Variants in ANKRD49 observed in about 807,000 individuals in gnomAD.
ANKRD49 encodes ankyrin repeat domain-containing protein 49.
ANKRD49 carries 18 observed loss-of-function variants against 19.6 expected under a neutral mutation model. The ratio of observed to expected loss-of-function variants is 0.92; its 90% confidence interval spans 0.63 to 1.36. The LOEUF is 1.36. Among genes scored for constraint, ANKRD49 ranks in the 40% most tolerant of loss-of-function variants. ANKRD49 has a pLI of 0.00. For missense variants in ANKRD49, 218 were observed against 281.6 expected, an observed-to-expected ratio of 0.77 and a Z score of 1.62; for synonymous variants, 88 against 101.8, an observed-to-expected ratio of 0.86 and a Z score of 0.82.
intron 1 of ANKRD49, among the ~76,000 whole-genome samples, chr11:94,495,900 C>T (rs1947412276): frequency 6.6e-6 from 1 of 152,158 alleles, no homozygotes; most frequent in South Asian, 2.1e-4. Flanking sequence ...TTATTGAATC[C>T]CAGTACCCAG....
At position 94,496,893 on chromosome 11, in the gene ANKRD49, A is replaced by G. The variant is rs1241778754; in HGVS notation, c.200A>G (p.Glu67Gly). Residue 67 changes from glutamate (E) to glycine (G), a missense_variant, in exon 2 of 3, where the codon GAA becomes GGA. Coordinates refer to ENST00000544612, the MANE Select transcript of ANKRD49 (RefSeq NM_017704.3). Reference sequence around the variant, plus strand: ...AATGAAGAGTGGTATCGATTGCAAGAAAAAAAAATGGAAAAAGACCCAAGC... The same window carrying G: ...AATGAAGAGTGGTATCGATTGCAAGGAAAAAAAATGGAAAAAGACCCAAGC... ...DKNEEWYRLQEKKMEKDPSRL... is the reference protein window; with the variant it reads ...DKNEEWYRLQGKKMEKDPSRL... The G allele has an allele frequency of 6.2e-7, 1 of 1,608,752 alleles. No homozygotes were observed. The highest frequency in any genetic ancestry group is 1.3e-5 in the African/African-American group (1 of 74,606).
chr11:94,498,079 A>G lies in ANKRD49; in HGVS notation c.267A>G (p.Thr89=), dbSNP rs536917741. 1.1e-4 allele frequency: 172 copies of G among 1,602,282 alleles called. 3 individuals are homozygous for G. In the South Asian group the frequency reaches 1.9e-3, roughly 17 times the overall value. ...CTTTTTTTTCTTCTCAGCTTACCAC[A>G]GTGCGGAGACTCCTTTCTGAAAAGG... ...LWAAEKNRLT[T]VRRLLSEKAT... is the part of the protein sequence containing the mutation. Residue 89 remains threonine, a synonymous_variant, in exon 3 of 3, where the codon ACA becomes ACG. Coordinates refer to ENST00000544612, the MANE Select transcript of ANKRD49 (RefSeq NM_017704.3).
chr11:94,495,969 C>T (rs1947412860), intron 1 of ANKRD49, among the ~76,000 whole-genome samples: 1 of 152,062 alleles, frequency 6.6e-6, no homozygotes, highest in Non-Finnish European at 1.5e-5. Context: ...TGAATGACAG[C>T]CAAAATTCAG....
At chr11:94,497,215 GA>G in intron 2 of ANKRD49, 2 of 534,212 alleles carry the variant, frequency 3.7e-6, no homozygotes, top group Non-Finnish European at 6.6e-6. Flanking sequence ...GATCATTTAG[GA>G]AAGAGAGGAT....
rs1947445621 is a variant in ANKRD49 at position 94,498,213 on chromosome 11, T to G, written c.401T>G (p.Val134Gly). 2 of 1,614,144 alleles carry G rather than the reference T, an allele frequency of 1.2e-6. No individual in the cohort carries two copies. Residue 134 changes from valine to glycine, a missense_variant, in exon 3 of 3, where the codon GTT becomes GGT. Coordinates refer to ENST00000544612, the MANE Select transcript of ANKRD49 (RefSeq NM_017704.3). ...VQELIAQGADVHAVTVDGWTP... is the reference protein window; with the variant it reads ...VQELIAQGADGHAVTVDGWTP... The stretch of plus-strand genomic sequence containing the variant: ...GAGCTCATTGCACAGGGGGCCGATG[T>G]TCATGCAGTGACTGTGGATGGCTGG...
Position 94,498,363 on chromosome 11 carries a change from A to G in ANKRD49, c.551A>G (p.Asn184Ser). 1 of 1,613,468 alleles carries G rather than the reference A, an allele frequency of 6.2e-7. No individual in the cohort carries two copies. Among genetic ancestry groups the G allele is most frequent in the Non-Finnish European group, 8.5e-7 (1 of 1,179,926 alleles). Residue 184 changes from asparagine (N) to serine (S), a missense_variant, in exon 3 of 3, where the codon AAC becomes AGC. Coordinates refer to ENST00000544612, the MANE Select transcript of ANKRD49 (RefSeq NM_017704.3). Reference protein sequence around the residue: ...LLTPLHLAAGNRDSKDTLELL... With the variant: ...LLTPLHLAAGSRDSKDTLELL... ...ACCCCCTTGCATCTTGCTGCTGGGA[A>G]CAGAGACAGCAAGGATACCCTAGAA...
chr11:94,497,558 C>G (rs1025969242), intron 2 of ANKRD49: 1 of 156,084 alleles, frequency 6.4e-6, no homozygotes, highest in African/African-American at 2.4e-5. Flanking sequence ...AAAATTACAA[C>G]CTAAAAGGTT....
rs1334805504 is a variant in ANKRD49 at position 94,498,383 on chromosome 11, C to G, written c.571C>G (p.Leu191Val). Residue 191 changes from leucine (L) to valine (V), a missense_variant, in exon 3 of 3, where the codon CTA becomes GTA. Coordinates refer to ENST00000544612, the MANE Select transcript of ANKRD49 (RefSeq NM_017704.3). ...TGGGAACAGAGACAGCAAGGATACC[C>G]TAGAACTCCTCCTGATGAACCGTTA... is the stretch of plus-strand genomic sequence containing the variant. ...AAGNRDSKDT[L>V]ELLLMNRYVK... 6.2e-7 allele frequency: 1 copy of G among 1,613,284 alleles called. No individual in the cohort carries two copies. Among genetic ancestry groups the G allele is most frequent in the Non-Finnish European group, 8.5e-7 (1 of 1,179,848 alleles).
At chr11:94,495,565 G>A (rs1279396280) in intron 1 of ANKRD49, among the ~76,000 whole-genome samples, 1 of 152,220 alleles carries the variant, frequency 6.6e-6, no homozygotes, top group Non-Finnish European at 1.5e-5. Context: ...ATAGAGTTGA[G>A]AGGCTGGGAA....
rs760724994 is a variant in ANKRD49, at chr11:94,498,123, G to C, written c.311G>C (p.Arg104Thr). 1 of 1,614,000 alleles carries C rather than the reference G, an allele frequency of 6.2e-7. No individual in the cohort carries two copies. The highest frequency in any genetic ancestry group is 1.1e-5 in the South Asian group (1 of 91,070). ...LSEKATHVNT[R>T]DEDEYTPLHR... is the part of the protein sequence containing the mutation. The stretch of plus-strand genomic sequence containing the variant: ...GAAAAGGCCACTCACGTGAACACTA[G>C]GGATGAAGATGAGTATACCCCTCTT... Residue 104 changes from arginine (R) to threonine (T), a missense_variant, in exon 3 of 3, where the codon AGG (arginine) becomes ACG (threonine). Physicochemically the swap from Arg to Thr is moderately conservative, Grantham distance 71. Transcript: ENST00000544612.
Position 94,498,329 on chromosome 11 carries a change from G to C in ANKRD49, c.517G>C (p.Gly173Arg), listed in dbSNP as rs763904534. Residue 173 changes from glycine to arginine, a missense_variant, in exon 3 of 3, where the codon GGC (glycine) becomes CGC (arginine). Physicochemically the swap from Gly to Arg is moderately radical, Grantham distance 125. Transcript: ENST00000544612. Reference protein sequence around the residue: ...HDADINAQTKGLLTPLHLAAG... With the variant: ...HDADINAQTKRLLTPLHLAAG... ...TGCAGATATCAATGCCCAAACAAAA[G>C]GCCTCTTGACCCCCTTGCATCTTGC... 30 of 1,613,546 alleles carry C rather than the reference G, an allele frequency of 1.9e-5. No homozygotes were observed. The highest frequency in any genetic ancestry group is 1.7e-6 in the Non-Finnish European group (2 of 1,179,942).
intron 2 of ANKRD49, 26 bp downstream of exon 2, chr11:94,496,977 G>A: frequency 6.2e-7 from 1 of 1,610,536 alleles, no homozygotes; most frequent in Non-Finnish European, 8.5e-7. Context: ...ACAGAGGGAA[G>A]TGTGACAGTA....
chr11:94,496,728 C>T lies in ANKRD49; in HGVS notation c.35C>T (p.Pro12Leu). The stretch of plus-strand genomic sequence containing the variant: ...GAAAAAGGAAATGATGATGGAATAC[C>T]AGACCAAGAGAATTCCTTGGATTTT... ...EKEKGNDDGI[P>L]DQENSLDFSE... is the part of the protein sequence containing the mutation. Residue 12 changes from proline (P) to leucine (L), a missense_variant, in exon 2 of 3, where the codon CCA becomes CTA. Coordinates refer to ENST00000544612, the MANE Select transcript of ANKRD49 (RefSeq NM_017704.3). 6.2e-7 allele frequency: 1 copy of T among 1,601,504 alleles called. No homozygotes were observed.
chr11:94,494,646 T>C (rs1221835974), intron 1 of ANKRD49, among the ~76,000 whole-genome samples: 1 of 152,192 alleles, frequency 6.6e-6, no homozygotes, highest in Admixed American at 6.5e-5. Context: ...GTCATCAGTT[T>C]TGTTTCTTAA....
rs964420621 is a variant in ANKRD49 at position 94,498,058 on chromosome 11, T to A, written c.259-13T>A. ...TTGAGTTGAGTTGAAAGATTTCTTT[T>A]TTTTCTTCTCAGCTTACCACAGTGC... is the stretch of plus-strand genomic sequence containing the variant. On this transcript the variant is annotated splice_polypyrimidine_tract_variant and intron_variant, in intron 2 of 2. Transcript: ENST00000544612. 20 of 1,543,838 alleles carry A rather than the reference T, an allele frequency of 1.3e-5. No homozygotes were observed. The highest frequency in any genetic ancestry group is 1.7e-5 in the Non-Finnish European group (19 of 1,147,390).
chr11:94,494,511 G>A (rs1400144214), intron 1 of ANKRD49, among the ~76,000 whole-genome samples: 1 of 152,082 alleles, frequency 6.6e-6, no homozygotes, highest in Non-Finnish European at 1.5e-5. Flanking sequence ...TTATAGCCCC[G>A]CCTATCACTG....
chr11:94,498,570 G>T lies in ANKRD49; in HGVS notation c.*38G>T, dbSNP rs1356250429. ...TTTTCCTAAGTTTCTAAATACCAGT[G>T]CCTCCTGTGTGTGAGATGTATTCCC... On this transcript the variant is annotated 3_prime_UTR_variant, in exon 3 of 3. Transcript: ENST00000544612. The T allele has an allele frequency of 6.5e-7, 1 of 1,527,346 alleles. No homozygotes were observed. The highest frequency in any genetic ancestry group is 1.2e-5 in the South Asian group (1 of 81,906). The allele number at this position is 1,527,346 out of a possible 1,614,324, so 94.6% of individuals were successfully genotyped here. A position where few individuals can be genotyped will look rare whatever the true frequency, so the allele number is the denominator to read the frequency against.
chr11:94,496,964 A>G lies in ANKRD49; in HGVS notation c.258+13A>G. 6.2e-7 allele frequency: 1 copy of G among 1,612,210 alleles called. No individual in the cohort carries two copies. Among genetic ancestry groups the G allele is most frequent in the Non-Finnish European group, 8.5e-7 (1 of 1,179,910 alleles). The stretch of plus-strand genomic sequence containing the variant: ...TGAAAAAAATCGGGTAAAAAAAAAA[A>G]TTACAGAGGGAAGTGTGACAGTAGG... On this transcript the variant is annotated intron_variant, in intron 2 of 2. Coordinates refer to ENST00000544612, the MANE Select transcript of ANKRD49 (RefSeq NM_017704.3).
intron 2 of ANKRD49, 84 bp downstream of exon 2, chr11:94,497,035 C>A: frequency 6.5e-7 from 1 of 1,542,526 alleles, no homozygotes; most frequent in Non-Finnish European, 8.9e-7. Flanking sequence ...ACTGTTATGG[C>A]CATCATACCT....
Sources: gnomAD v4.1 joint callset for allele counts (sites outside exome capture counted in the v4.1 genomes callset) on GRCh38, gnomAD v4.1.1 for gene constraint, MANE v1.5 for transcripts, NCBI Gene and HGNC (gene_info 2026-07-23, HGNC 2026-07-21) for gene names.